MSANTD5: variants seen among roughly 807,000 people sequenced by gnomAD.
The protein encoded by MSANTD5 is uncharacterized protein MSANTD5.
At chr5:178,697,408 C>G (rs537338678) in intron 1 of MSANTD5, among the ~76,000 whole-genome samples, 178 bp downstream of exon 1, 3 of 152,148 alleles carry the variant, frequency 2.0e-5, no homozygotes, top group South Asian at 2.1e-4. Flanking sequence ...GAGCCGGGAT[C>G]GCGCCCCTGC....
chr5:178,693,353 G>T (rs888599146), downstream of MSANTD5, among the ~76,000 whole-genome samples: 1 of 151,936 alleles, frequency 6.6e-6, no homozygotes, highest in Admixed American at 6.6e-5. Context: ...TCTTTCTGGT[G>T]GGTTCTTGGT....
chr5:178,706,951 C>T, the MSANTD5 span: 19 of 152,238 alleles, frequency 1.2e-4, no homozygotes, highest in African/African-American at 4.6e-4. Context: ...GTTAGTTTTC[C>T]GACCAGTTTT....
chr5:178,699,558 C>T (rs996308209), upstream of MSANTD5, among the ~76,000 whole-genome samples: 10 of 152,122 alleles, frequency 6.6e-5, 1 homozygote, highest in Admixed American at 5.9e-4. Context: ...ATGACAGGCG[C>T]GTGCCACCAC....
At chr5:178,697,908 G>C (rs1765436426), upstream of MSANTD5, among the ~76,000 whole-genome samples, 1 of 152,214 alleles carries the variant, frequency 6.6e-6, no homozygotes, top group African/African-American at 2.4e-5. Flanking sequence ...ACTAGAATTT[G>C]ATTGAATAAC....
At chr5:178,692,072 TAAA>T (rs58907781), downstream of MSANTD5, among the ~76,000 whole-genome samples, 2 of 91,184 alleles carry the variant, frequency 2.2e-5, no homozygotes, top group Non-Finnish European at 2.4e-5. Flanking sequence ...TGGCAGTTTC[TAAA>T]AAAAAAAAAA....
At chr5:178,705,537 G>T in the MSANTD5 span, among the ~76,000 whole-genome samples, 7 of 152,210 alleles carry the variant, frequency 4.6e-5, no homozygotes, top group African/African-American at 1.2e-4. Flanking sequence ...GATGGCATCA[G>T]CCAAATCCCT....
upstream of MSANTD5, among the ~76,000 whole-genome samples, chr5:178,702,217 AAG>A (rs1765494092): frequency 6.6e-6 from 1 of 152,016 alleles, no homozygotes; most frequent in South Asian, 2.1e-4. Flanking sequence ...AAATCGATCT[AAG>A]AGCAATGAAG....
the MSANTD5 span, among the ~76,000 whole-genome samples, chr5:178,707,375 A>G: frequency 6.6e-6 from 1 of 151,842 alleles, no homozygotes; most frequent in African/African-American, 2.4e-5. Context: ...TATGGATAGG[A>G]CACCTTCTAC....
At chr5:178,694,687 C>T (rs1411828263) in exon 4 of MSANTD5, 1 of 152,198 alleles carries the variant, frequency 6.6e-6, no homozygotes, top group African/African-American at 2.4e-5. Context: ...GATCCAGATT[C>T]TAAATGTCTT....
downstream of MSANTD5, among the ~76,000 whole-genome samples, chr5:178,692,379 CA>C (rs60186176): frequency 0.52 from 62,125 of 118,574 alleles, 13,754 homozygotes; most frequent in African/African-American, 0.59. Context: ...GACTCCATCT[CA>C]AAAAAAAAAA....
At chr5:178,706,542 C>T in the MSANTD5 span, among the ~76,000 whole-genome samples, 1 of 151,874 alleles carries the variant, frequency 6.6e-6, no homozygotes, top group African/African-American at 2.4e-5. Flanking sequence ...AACTTTGCCT[C>T]CTTGCCCTGC....
the MSANTD5 span, among the ~76,000 whole-genome samples, chr5:178,703,270 C>T: frequency 4.6e-5 from 7 of 152,342 alleles, no homozygotes; most frequent in East Asian, 5.8e-4. Flanking sequence ...GGCAGGGTCC[C>T]GTGTCAGGGT....
At chr5:178,697,281 C>A (rs956300889) in intron 1 of MSANTD5, among the ~76,000 whole-genome samples, 1 of 145,244 alleles carries the variant, frequency 6.9e-6, no homozygotes, top group Non-Finnish European at 1.5e-5. Context: ...GGTGAAACCC[C>A]GTCTCTACTA....
intron 2 of MSANTD5, 95 bp from the exon 3 acceptor site, chr5:178,695,693 A>G (rs1218578369): frequency 6.6e-6 from 1 of 152,144 alleles, no homozygotes; most frequent in Non-Finnish European, 1.5e-5. Context: ...ACTTGACTTT[A>G]TTCAGTTATG....
exon 1 of MSANTD5, chr5:178,697,614 G>C (rs1466181156): frequency 6.6e-6 from 1 of 152,096 alleles, no homozygotes; most frequent in Non-Finnish European, 1.5e-5. Flanking sequence ...GTTTTCTCCC[G>C]GGAGTCTTCT....
At chr5:178,693,604 A>C, downstream of MSANTD5, among the ~76,000 whole-genome samples, 1 of 152,082 alleles carries the variant, frequency 6.6e-6, no homozygotes, top group East Asian at 1.9e-4. Context: ...GAGCAAAGAA[A>C]GAACAAACCT....
chr5:178,701,117 G>T (rs1231268714), upstream of MSANTD5, among the ~76,000 whole-genome samples: 2 of 152,248 alleles, frequency 1.3e-5, no homozygotes, highest in African/African-American at 4.8e-5. Context: ...GGGACTACAG[G>T]CGCCCGCCAC....
chr5:178,700,803 G>GT (rs1765470251), upstream of MSANTD5, among the ~76,000 whole-genome samples: 1 of 152,194 alleles, frequency 6.6e-6, no homozygotes, highest in Non-Finnish European at 1.5e-5. Context: ...GACAACAGAC[G>GT]TAAGTGCCAC....
chr5:178,693,834 G>A (rs1581732252), downstream of MSANTD5, among the ~76,000 whole-genome samples: 2 of 152,070 alleles, frequency 1.3e-5, no homozygotes. Flanking sequence ...AGTCAGAAAA[G>A]TTCTCCAAGT....
Sources: allele counts gnomAD v4.1 joint callset (sites outside exome capture counted in the v4.1 genomes callset), GRCh38; gene constraint gnomAD v4.1.1; transcripts MANE v1.5; gene names NCBI Gene and HGNC (gene_info 2026-07-23, HGNC 2026-07-21).